The following CDH13 variants were observed in gnomAD, a reference collection of about 807,000 sequenced individuals.
The protein encoded by CDH13 is cadherin 13.
CDH13 carries 24 observed loss-of-function variants against 63.8 expected under a neutral mutation model. That is an observed-to-expected ratio of 0.38 (90% CI 0.27 to 0.53). The LOEUF (loss-of-function observed/expected upper bound fraction) is 0.53. Among genes scored for constraint, CDH13 ranks in the 20% least tolerant of loss-of-function variants. The pLI is 0.85. For missense variants in CDH13, 1,049 were observed against 903.1 expected (o/e 1.16, Z -2.07); for synonymous variants, 503 against 355.3 (o/e 1.42, Z -4.67).
intron 6 of CDH13, among the ~76,000 whole-genome samples, chr16:83,439,077 G>A (rs2072406981): frequency 6.6e-6 from 1 of 152,154 alleles, no homozygotes; most frequent in Non-Finnish European, 1.5e-5. Context: ...TTAAACTGCA[G>A]CTTCTTCCAA....
intron 4 of CDH13, among the ~76,000 whole-genome samples, chr16:83,126,071 T>TG (rs2035798840): frequency 6.6e-6 from 1 of 152,210 alleles, no homozygotes; most frequent in African/African-American, 2.4e-5. Flanking sequence ...CAGTACATTC[T>TG]CCCCTCTTTA....
intron 1 of CDH13, among the ~76,000 whole-genome samples, chr16:82,784,690 G>A (rs1480357299): frequency 6.6e-6 from 1 of 152,092 alleles, no homozygotes; most frequent in Admixed American, 6.5e-5. Context: ...ATGAGAGCTG[G>A]TAACTCTCTC....
chr16:83,021,436 G>A (rs113934257), intron 2 of CDH13, among the ~76,000 whole-genome samples: 5 of 152,206 alleles, frequency 3.3e-5, no homozygotes, highest in South Asian at 2.1e-4. Flanking sequence ...AGAGGAGAAC[G>A]TAAGACTGAC....
At chr16:82,737,248 T>G (rs1452035066) in intron 1 of CDH13, among the ~76,000 whole-genome samples, 3 of 152,244 alleles carry the variant, frequency 2.0e-5, no homozygotes. Context: ...TTCCATTCAC[T>G]TGGTCATCCA....
At chr16:82,777,403 A>G (rs1260121375) in intron 1 of CDH13, among the ~76,000 whole-genome samples, 1 of 152,146 alleles carries the variant, frequency 6.6e-6, no homozygotes, top group Non-Finnish European at 1.5e-5. Context: ...TGGCATCAAT[A>G]TTGTCACCGG....
At chr16:82,895,109 G>A (rs528280071) in intron 2 of CDH13, among the ~76,000 whole-genome samples, 3 of 152,252 alleles carry the variant, frequency 2.0e-5, no homozygotes, top group South Asian at 2.1e-4. Flanking sequence ...GGCATTTAGC[G>A]TATTTGCAGT....
intron 4 of CDH13, among the ~76,000 whole-genome samples, chr16:83,132,718 G>A (rs926837583): frequency 6.6e-6 from 1 of 151,900 alleles, no homozygotes; most frequent in Non-Finnish European, 1.5e-5. Context: ...ATGAGCACCT[G>A]GCCTTAATTT....
chr16:83,383,540 T>C (rs1336396932), intron 6 of CDH13, among the ~76,000 whole-genome samples: 4 of 152,196 alleles, frequency 2.6e-5, no homozygotes, highest in Non-Finnish European at 5.9e-5. Context: ...GGCATTCTAC[T>C]GCAAGGAAGA....
intron 2 of CDH13, among the ~76,000 whole-genome samples, chr16:82,899,241 A>G (rs915846606): frequency 6.6e-6 from 1 of 152,314 alleles, no homozygotes; most frequent in Middle Eastern, 3.4e-3. Context: ...TATAAATTAC[A>G]GTAAGGGCAG....
chr16:82,874,324 A>C (rs1250144085), intron 2 of CDH13, among the ~76,000 whole-genome samples: 1 of 152,120 alleles, frequency 6.6e-6, no homozygotes, highest in Non-Finnish European at 1.5e-5. Context: ...AGTCGTGCTA[A>C]GATGTTGAGT....
intron 5 of CDH13, among the ~76,000 whole-genome samples, chr16:83,309,158 T>C (rs2089945283): frequency 6.6e-6 from 1 of 152,202 alleles, no homozygotes; most frequent in Non-Finnish European, 1.5e-5. Context: ...TCATTAGCAT[T>C]GAGCTTGTGT....
intron 1 of CDH13, among the ~76,000 whole-genome samples, chr16:82,815,079 C>G (rs2037638949): frequency 6.6e-6 from 1 of 151,750 alleles, no homozygotes; most frequent in Admixed American, 6.6e-5. Flanking sequence ...TTTCTTTTTT[C>G]TTATCCATTA....
At chr16:83,117,500 C>G (rs1216935576) in intron 3 of CDH13, among the ~76,000 whole-genome samples, 3 of 152,052 alleles carry the variant, frequency 2.0e-5, no homozygotes, top group Non-Finnish European at 4.4e-5. Context: ...GATCTTTTTT[C>G]TCTTGAGCCA....
intron 5 of CDH13, among the ~76,000 whole-genome samples, chr16:83,261,671 C>G (rs1907008365): frequency 6.6e-6 from 1 of 151,816 alleles, no homozygotes; most frequent in South Asian, 2.1e-4. Flanking sequence ...CTGCAAAAAA[C>G]TTGCATGATA....
chr16:83,306,164 T>G lies in CDH13; in HGVS notation c.637-38698T>G, dbSNP rs370931723. ...GCTGGGGAAGGTGGGGAGCTAACGT[T>G]GTCACTGGTTGAGAACTACTGTTCC... is the stretch of plus-strand genomic sequence containing the variant. On this transcript the variant is annotated intron_variant, in intron 5 of 13. Transcript: ENST00000567109. Among the ~76,000 whole-genome samples, 19 of 152,172 alleles carry G rather than the reference T, an allele frequency of 1.2e-4. No individual in the cohort carries two copies. The South Asian group carries it at 3.7e-3, about 30-fold the overall frequency.
Position 83,799,339 on chromosome 16 carries a change from T to G in CDH13, c.*4309T>G, listed in dbSNP as rs1904302451. The G allele has an allele frequency of 6.6e-6, 1 of 150,578 alleles. No homozygotes were observed. Among genetic ancestry groups the G allele is most frequent in the African/African-American group, 2.4e-5 (1 of 40,908 alleles). 9.3% of individuals were successfully genotyped at this position (150,578 alleles called of 1,614,324 possible). A position where few individuals can be genotyped will look rare whatever the true frequency, so the allele number is the denominator to read the frequency against. On this transcript the variant is annotated 3_prime_UTR_variant, in exon 14 of 14. Coordinates refer to ENST00000567109, the MANE Select transcript of CDH13 (RefSeq NM_001257.5). ...AAAAAAAGAAAGAAAAGGAAATTTA[T>G]GAACTCCAGAGTACCCATTCACTAC...
chr16:83,788,096 C>A (rs758206891), intron 13 of CDH13, among the ~76,000 whole-genome samples: 1 of 152,206 alleles, frequency 6.6e-6, no homozygotes, highest in African/African-American at 2.4e-5. Flanking sequence ...TGTGCACGCA[C>A]GTGTGTGTAC....
At chr16:83,356,751 C>T (rs1597822087) in intron 6 of CDH13, among the ~76,000 whole-genome samples, 1 of 152,100 alleles carries the variant, frequency 6.6e-6, no homozygotes, top group African/African-American at 2.4e-5. Context: ...TATAAAATCC[C>T]TTTCAAGTAT....
chr16:83,129,934 C>G (rs1298040824), intron 4 of CDH13, among the ~76,000 whole-genome samples: 1 of 152,188 alleles, frequency 6.6e-6, no homozygotes, highest in Non-Finnish European at 1.5e-5. Context: ...ATTCTCATGT[C>G]CTGGGCTTTT....
Sources: allele counts gnomAD v4.1 joint callset (sites outside exome capture counted in the v4.1 genomes callset), GRCh38; gene constraint gnomAD v4.1.1; transcripts MANE v1.5; gene names NCBI Gene and HGNC (gene_info 2026-07-23, HGNC 2026-07-21).